The following SLC25A53 variants were observed in gnomAD, a reference collection of about 807,000 sequenced individuals.
SLC25A53 encodes the protein solute carrier family 25 member 53.
A neutral mutation model predicts 15.0 loss-of-function variants in SLC25A53; 5 were observed. The observed-to-expected ratio is 0.33, with a 90% CI of 0.17 to 0.70. The LOEUF (loss-of-function observed/expected upper bound fraction) is 0.70, where lower values mean the gene tolerates loss of function less well. Ranked by LOEUF, SLC25A53 falls within the 30% of genes least tolerant of loss-of-function variation. The probability of loss-of-function intolerance (pLI) is 0.67; values close to 1 mark genes in which losing one functional copy is unlikely to be tolerated. For synonymous variants in SLC25A53, 95 were observed against 100.0 expected (o/e 0.95, Z 0.30); for missense variants, 216 against 241.6 (o/e 0.89, Z 0.70).
At chrX:104,156,485 G>A (rs2075501592) in intron 1 of SLC25A53, among the ~76,000 whole-genome samples, 1 of 111,264 alleles carries the variant, frequency 9.0e-6, no homozygotes, top group Non-Finnish European at 1.9e-5. Context: ...ATCAATAGCA[G>A]AATCTGAAAC....
At chrX:104,143,905 C>T (rs1024465679) in intron 1 of SLC25A53, among the ~76,000 whole-genome samples, 2 of 112,067 alleles carry the variant, frequency 1.8e-5, no homozygotes, top group Non-Finnish European at 3.8e-5. Flanking sequence ...AAAACTCTTG[C>T]CAGAAACCCT....
intron 1 of SLC25A53, among the ~76,000 whole-genome samples, chrX:104,116,123 G>T (rs1272009783): frequency 9.1e-6 from 1 of 109,449 alleles, no homozygotes; most frequent in East Asian, 2.9e-4. Context: ...GGGAACGGGG[G>T]GGGGACAAAA....
intron 1 of SLC25A53, among the ~76,000 whole-genome samples, chrX:104,146,791 G>A (rs1220867137): frequency 1.8e-5 from 2 of 109,798 alleles, no homozygotes; most frequent in African/African-American, 3.3e-5. Context: ...CACTGCTCAA[G>A]GAAATAAAAG....
intron 1 of SLC25A53, among the ~76,000 whole-genome samples, chrX:104,132,963 C>A (rs1182035106): frequency 2.7e-5 from 3 of 112,095 alleles, no homozygotes; most frequent in African/African-American, 9.7e-5. Context: ...GGACAGTCTC[C>A]AAACAGTCTG....
At chrX:104,134,082 G>C (rs1356673912) in intron 1 of SLC25A53, among the ~76,000 whole-genome samples, 1 of 111,954 alleles carries the variant, frequency 8.9e-6, no homozygotes, top group African/African-American at 3.2e-5. Flanking sequence ...GACAGGAGAG[G>C]AGCAGCACAC....
intron 1 of SLC25A53, among the ~76,000 whole-genome samples, chrX:104,153,054 G>T (rs1470272512): frequency 2.7e-5 from 3 of 110,818 alleles, no homozygotes; most frequent in African/African-American, 9.9e-5. Context: ...AGTCTGTTTA[G>T]GGCCACCCCC....
chrX:104,110,617 A>G (rs1475255053), intron 1 of SLC25A53, among the ~76,000 whole-genome samples: 2 of 112,166 alleles, frequency 1.8e-5, no homozygotes, highest in African/African-American at 6.5e-5. Flanking sequence ...CACACTATAC[A>G]TAAAGGAAGT....
intron 1 of SLC25A53, among the ~76,000 whole-genome samples, chrX:104,141,389 T>A (rs991915366): frequency 9.0e-6 from 1 of 111,505 alleles, no homozygotes; most frequent in Non-Finnish European, 1.9e-5. Context: ...AACAAAGGCA[T>A]AGGAAAGAAA....
At chrX:104,133,516 A>G (rs899859231) in intron 1 of SLC25A53, among the ~76,000 whole-genome samples, 2 of 110,954 alleles carry the variant, frequency 1.8e-5, no homozygotes, top group African/African-American at 6.6e-5. Flanking sequence ...TCAGATTCTT[A>G]TTGTTTTTCA....
intron 1 of SLC25A53, among the ~76,000 whole-genome samples, chrX:104,138,228 G>A: frequency 9.1e-6 from 1 of 109,740 alleles, no homozygotes; most frequent in Admixed American, 9.6e-5. Context: ...GAGTAACAGG[G>A]AGACGGCGTC....
At chrX:104,123,447 G>A (rs1357073456) in intron 1 of SLC25A53, among the ~76,000 whole-genome samples, 14 of 112,801 alleles carry the variant, frequency 1.2e-4, no homozygotes, top group African/African-American at 4.5e-4. Flanking sequence ...GTAAGCCAAA[G>A]AGGTGAGGGA....
intron 1 of SLC25A53, among the ~76,000 whole-genome samples, chrX:104,117,044 G>A (rs1378397958): frequency 6.6e-5 from 3 of 45,184 alleles, no homozygotes; most frequent in Non-Finnish European, 1.2e-4. Context: ...CCTGCTCCAT[G>A]CACATCCCCA....
chrX:104,107,460 A>G (rs2075317638), intron 1 of SLC25A53, among the ~76,000 whole-genome samples: 1 of 112,278 alleles, frequency 8.9e-6, no homozygotes, highest in Admixed American at 9.4e-5. Flanking sequence ...GGCCCCTGGA[A>G]GCCCCACTTC....
At position 104,101,563 on chromosome X, in the gene SLC25A53, A is replaced by T. The variant is rs1556352594; in HGVS notation, c.*2771T>A. 1 of 112,444 alleles carries T rather than the reference A, an allele frequency of 8.9e-6. No homozygotes were observed. The highest frequency in any genetic ancestry group is 1.9e-5 in the Non-Finnish European group (1 of 53,322). The allele number at this position is 112,444 out of a possible 1,213,427, so 9.3% of individuals were successfully genotyped here. A position where few individuals can be genotyped will look rare whatever the true frequency, so the allele number is the denominator to read the frequency against. ...TGTATGCCAAGAAACAGGATCAAAGACCAAGTATATATTTCACAATATCAC... is the reference window on the plus strand; with the variant it reads ...TGTATGCCAAGAAACAGGATCAAAGTCCAAGTATATATTTCACAATATCAC... On this transcript the variant is annotated 3_prime_UTR_variant, in exon 2 of 2. Transcript: ENST00000594199.
chrX:104,134,247 T>TA lies in SLC25A53; in HGVS notation c.-32+22630dup, dbSNP rs2075431710. Among the ~76,000 whole-genome samples, 3 of 112,290 alleles carry TA rather than the reference T, an allele frequency of 2.7e-5. 1 individual carries two copies. In the South Asian group the frequency reaches 1.1e-3, roughly 42 times the overall value. ...AATGTCAGTGTCCTGGGATTTCTCTTACAGCAGAGACTTCTGTTGTTCCCC... is the reference window on the plus strand; with the variant it reads ...AATGTCAGTGTCCTGGGATTTCTCTTAACAGCAGAGACTTCTGTTGTTCCCC... On this transcript the variant is annotated intron_variant, in intron 1 of 1. Transcript: ENST00000594199.
chrX:104,147,515 C>T lies in SLC25A53; in HGVS notation c.-32+9363G>A, dbSNP rs782303733. 1.3e-4 allele frequency among the ~76,000 whole-genome samples: 14 copies of T among 105,050 alleles called. No homozygotes were observed. The East Asian group carries it at 4.3e-3, about 32-fold the overall frequency. The allele number at this position is 105,050 out of a possible 115,157, so 91.2% of individuals were successfully genotyped here. A position where few individuals can be genotyped will look rare whatever the true frequency, so the allele number is the denominator to read the frequency against. ...AACTACCATCAGAGTGAACAGGCAA[C>T]CTACAAAACGGGAGAAAATTTTTGC... On this transcript the variant is annotated intron_variant, in intron 1 of 1. Transcript: ENST00000594199.
chrX:104,135,418 C>A (rs2075434366), intron 1 of SLC25A53, among the ~76,000 whole-genome samples: 1 of 110,661 alleles, frequency 9.0e-6, no homozygotes, highest in Non-Finnish European at 1.9e-5. Context: ...ACTCGTGTTT[C>A]CCACCCCAAA....
intron 1 of SLC25A53, chrX:104,112,458 C>T (rs1379207678): frequency 1.8e-5 from 2 of 113,925 alleles, no homozygotes; most frequent in African/African-American, 6.4e-5. Context: ...AGCTTCGGGG[C>T]CGGAGGCTGT....
chrX:104,121,700 A>G (rs2075393052), intron 1 of SLC25A53, among the ~76,000 whole-genome samples: 1 of 107,447 alleles, frequency 9.3e-6, no homozygotes, highest in Non-Finnish European at 1.9e-5. Flanking sequence ...GTTGTTTTTA[A>G]CATTTTCAAT....
Sources: allele counts gnomAD v4.1 joint callset (sites outside exome capture counted in the v4.1 genomes callset), GRCh38; gene constraint gnomAD v4.1.1; transcripts MANE v1.5; gene names NCBI Gene and HGNC (gene_info 2026-07-23, HGNC 2026-07-21).